LIMCH1: variants seen among roughly 807,000 people sequenced by gnomAD.
The protein encoded by LIMCH1 is LIM and calponin homology domains-containing protein 1.
A neutral mutation model predicts 176.5 loss-of-function variants in LIMCH1; 113 were observed. That is an observed-to-expected ratio of 0.64 (90% CI 0.55 to 0.75). The LOEUF is 0.75. LIMCH1 is among the 30% of genes least tolerant of loss of function. The pLI, the probability that LIMCH1 is intolerant of heterozygous loss-of-function variation, is 0.00. For missense variants in LIMCH1, 1,674 were observed against 1,814.9 expected (o/e 0.92, Z 1.41); for synonymous variants, 619 against 645.9 (o/e 0.96, Z 0.63).
At chr4:41,387,210 A>G (rs2056606966) in intron 1 of LIMCH1, among the ~76,000 whole-genome samples, 2 of 152,236 alleles carry the variant, frequency 1.3e-5, no homozygotes, top group Non-Finnish European at 1.5e-5. Flanking sequence ...TGTACAGATA[A>G]CATACATGAG....
chr4:41,534,940 C>G (rs548995960), upstream of LIMCH1, among the ~76,000 whole-genome samples: 12 of 151,946 alleles, frequency 7.9e-5, no homozygotes, highest in African/African-American at 2.9e-4. Flanking sequence ...GGCAGGTGAT[C>G]GCTTGAGCCC....
chr4:41,664,820 C>T (rs2094765997), intron 20 of LIMCH1, among the ~76,000 whole-genome samples: 1 of 152,156 alleles, frequency 6.6e-6, no homozygotes, highest in African/African-American at 2.4e-5. Context: ...TTCAGGACTT[C>T]TTCAGTTTGT....
chr4:41,670,180 C>T (rs529134962), intron 21 of LIMCH1, among the ~76,000 whole-genome samples: 14 of 152,192 alleles, frequency 9.2e-5, no homozygotes, highest in African/African-American at 1.9e-4. Context: ...TTGAAAATGA[C>T]GACAACAGCA....
chr4:41,398,893 G>A (rs1328442511), intron 1 of LIMCH1, among the ~76,000 whole-genome samples: 1 of 152,256 alleles, frequency 6.6e-6, no homozygotes, highest in East Asian at 1.9e-4. Context: ...ACAACAAGCA[G>A]CAAACAACCC....
rs568625488 is a variant in LIMCH1 at position 41,632,741 on chromosome 4, G to A, written c.1602-8G>A. The A allele has an allele frequency of 4.2e-4, 647 of 1,534,318 alleles. 14 individuals are homozygous for A. In the South Asian group the frequency reaches 6.9e-3, roughly 16 times the overall value. On this transcript the variant is annotated splice_polypyrimidine_tract_variant and splice_region_variant and intron_variant, in intron 10 of 31. Transcript: ENST00000503057. ...CTCTTGCCACCAATGCTACTTGATC[G>A]TCTGCAGAACAATGAATTGTGGCCG...
intron 2 of LIMCH1, among the ~76,000 whole-genome samples, chr4:41,511,071 A>G (rs1454029026): frequency 6.6e-6 from 1 of 152,212 alleles, no homozygotes; most frequent in Non-Finnish European, 1.5e-5. Flanking sequence ...ACATGGCTTC[A>G]TCGTGACTGG....
intron 1 of LIMCH1, among the ~76,000 whole-genome samples, chr4:41,393,815 T>C (rs1280214597): frequency 6.6e-6 from 1 of 152,210 alleles, no homozygotes; most frequent in Admixed American, 6.5e-5. Context: ...TGAAGATACT[T>C]GAATAAAAAG....
At chr4:41,384,224 A>C (rs2056145104) in intron 1 of LIMCH1, among the ~76,000 whole-genome samples, 1 of 149,410 alleles carries the variant, frequency 6.7e-6, no homozygotes, top group South Asian at 2.1e-4. Flanking sequence ...TTTTTTTTTG[A>C]GACGGAGTCT....
intron 14 of LIMCH1, among the ~76,000 whole-genome samples, chr4:41,639,256 T>C (rs2093721754): frequency 6.6e-6 from 1 of 152,370 alleles, no homozygotes; most frequent in East Asian, 1.9e-4. Context: ...GTCTGAACAT[T>C]GGTACCCCTT....
In LIMCH1 at chr4:41,444,581, AG is replaced by A. The variant is rs1170708005; in HGVS notation, c.97-49952del. 4.6e-5 allele frequency among the ~76,000 whole-genome samples: 7 copies of A among 152,192 alleles called. No homozygotes were observed. In the South Asian group the frequency reaches 1.4e-3, roughly 32 times the overall value. On this transcript the variant is annotated intron_variant, in intron 1 of 26. Coordinates refer to the LIMCH1 transcript ENST00000313860. The stretch of plus-strand genomic sequence containing the variant: ...TGTCTGGGAATCTCTACCTCTCATT[AG>A]GGTGGTCAACATATCACAGTGGTCT...
chr4:41,570,042 TG>T (rs1317042028), intron 1 of LIMCH1, among the ~76,000 whole-genome samples: 1 of 152,188 alleles, frequency 6.6e-6, no homozygotes, highest in African/African-American at 2.4e-5. Context: ...ATGAACCACA[TG>T]TTTGCAGAAT....
intron 13 of LIMCH1, among the ~76,000 whole-genome samples, chr4:41,636,513 A>T (rs2093600956): frequency 6.6e-6 from 1 of 152,024 alleles, no homozygotes; most frequent in African/African-American, 2.4e-5. Context: ...GAAATTCCTT[A>T]AACCCCCAGT....
intron 1 of LIMCH1, among the ~76,000 whole-genome samples, chr4:41,582,378 G>T (rs937784531): frequency 1.3e-5 from 2 of 152,198 alleles, no homozygotes; most frequent in Non-Finnish European, 2.9e-5. Flanking sequence ...AGACTAGGTG[G>T]CAACTCACTT....
At chr4:41,581,125 T>TCTAG (rs1323178034) in intron 1 of LIMCH1, among the ~76,000 whole-genome samples, 3 of 131,260 alleles carry the variant, frequency 2.3e-5, no homozygotes, top group Non-Finnish European at 4.6e-5. Context: ...TATCTATCTA[T>TCTAG]CTATCTATCT....
At chr4:41,593,514 C>G (rs1159280692) in intron 1 of LIMCH1, among the ~76,000 whole-genome samples, 1 of 152,112 alleles carries the variant, frequency 6.6e-6, no homozygotes, top group Non-Finnish European at 1.5e-5. Context: ...AGATTTTTAC[C>G]AATGAAGTCA....
chr4:41,364,602 T>TTATTA (rs2052682505), intron 1 of LIMCH1, among the ~76,000 whole-genome samples: 1 of 152,192 alleles, frequency 6.6e-6, no homozygotes, highest in African/African-American at 2.4e-5. Context: ...TAATATCTAC[T>TTATTA]CATAAAGTGA....
In LIMCH1 at chr4:41,620,493, A is replaced by G. The variant is rs1371088862; in HGVS notation, c.528A>G (p.Gln176=). ...CTGGTGAAGACAACCCAGCTGGCCA[A>G]ATGAATCCTGGTTGGAAGCCTTCCG... ...GSAGEDNPAG[Q]MNPGWKPSDG... Residue 176 remains glutamine (Q), a synonymous_variant, in exon 7 of 32, where the codon CAA becomes CAG. Transcript: ENST00000503057. 1 of 1,536,358 alleles carries G rather than the reference A, an allele frequency of 6.5e-7. No homozygotes were observed. The highest frequency in any genetic ancestry group is 8.7e-7 in the Non-Finnish European group (1 of 1,146,964).
At chr4:41,568,547 A>G (rs906304184) in intron 1 of LIMCH1, among the ~76,000 whole-genome samples, 46 of 152,220 alleles carry the variant, frequency 3.0e-4, no homozygotes, top group African/African-American at 1.1e-3. Context: ...TGCGAGAAAA[A>G]TACTCTAAAA....
chr4:41,664,094 C>A (rs1005617842), intron 20 of LIMCH1, among the ~76,000 whole-genome samples: 4 of 152,026 alleles, frequency 2.6e-5, no homozygotes, highest in African/African-American at 9.7e-5. Context: ...AAATTAGAAT[C>A]TGTGGAGGCA....
Sources: gnomAD v4.1 joint callset for allele counts (sites outside exome capture counted in the v4.1 genomes callset) on GRCh38, gnomAD v4.1.1 for gene constraint, MANE v1.5 for transcripts, NCBI Gene and HGNC (gene_info 2026-07-23, HGNC 2026-07-21) for gene names.